The following LRIF1 variants were observed in gnomAD, a reference collection of about 807,000 sequenced individuals.
LRIF1 encodes ligand dependent nuclear receptor interacting factor 1.
LRIF1 carries 32 observed loss-of-function variants against 52.7 expected under a neutral mutation model. The observed-to-expected ratio is 0.61, with a 90% confidence interval of 0.46 to 0.82. LRIF1 has a LOEUF of 0.82. Among genes scored for constraint, LRIF1 ranks in the 40% least tolerant of loss-of-function variants. LRIF1 has a pLI of 0.00. For synonymous variants in LRIF1, 323 were observed against 317.4 expected (o/e 1.02, Z -0.19); for missense variants, 887 against 892.0 (o/e 0.99, Z 0.07).
the LRIF1 span, among the ~76,000 whole-genome samples, chr1:110,903,487 C>T: frequency 6.6e-6 from 1 of 152,208 alleles, no homozygotes; most frequent in Non-Finnish European, 1.5e-5. Context: ...GTTTCAGGCC[C>T]TAGCTCTTGG....
At chr1:110,901,476 C>CATTT in the LRIF1 span, among the ~76,000 whole-genome samples, 1 of 63,544 alleles carries the variant, frequency 1.6e-5, no homozygotes, top group African/African-American at 3.9e-5. Flanking sequence ...TCGCACCCGG[C>CATTT]CTTTTTTTTT....
chr1:110,963,557 C>A lies in LRIF1; in HGVS notation c.68+64G>T, dbSNP rs376431773. 2.2e-5 allele frequency: 31 copies of A among 1,406,154 alleles called. No homozygotes were observed. The African/African-American group carries it at 4.2e-4, about 19-fold the overall frequency. 87.1% of individuals were successfully genotyped at this position (1,406,154 alleles called of 1,614,324 possible). The stretch of plus-strand genomic sequence containing the variant: ...CTACACAGCGTCCGGAAACGACGGC[C>A]GACTCCACATCCCTAAGACGGACAG... On this transcript the variant is annotated intron_variant, in intron 1 of 3. Transcript: ENST00000369763.
At chr1:110,960,287 CAG>C (rs944209793) in intron 1 of LRIF1, among the ~76,000 whole-genome samples, 2 of 152,138 alleles carry the variant, frequency 1.3e-5, no homozygotes, top group African/African-American at 4.8e-5. Flanking sequence ...AGATTAATGA[CAG>C]ATTTCATTTA....
chr1:110,902,517 A>G, the LRIF1 span, among the ~76,000 whole-genome samples: 323 of 104,742 alleles, frequency 3.1e-3, 2 homozygotes, highest in East Asian at 0.013. Context: ...AAAAAAAAAA[A>G]AAAGAAATAC....
At chr1:110,927,061 T>C in the LRIF1 span, among the ~76,000 whole-genome samples, 6 of 152,156 alleles carry the variant, frequency 3.9e-5, no homozygotes, top group Non-Finnish European at 7.4e-5. Flanking sequence ...TGGAAAGAAA[T>C]GAAACTGGAC....
intron 3 of LRIF1, among the ~76,000 whole-genome samples, chr1:110,948,921 T>C (rs1658332742): frequency 6.6e-6 from 1 of 152,222 alleles, no homozygotes; most frequent in South Asian, 2.1e-4. Flanking sequence ...TGCATGCTTA[T>C]ATCTTCTACT....
At chr1:110,905,438 C>T in the LRIF1 span, among the ~76,000 whole-genome samples, 7,779 of 151,974 alleles carry the variant, frequency 0.051, 266 homozygotes, top group East Asian at 0.14. Flanking sequence ...CATCTGGTAG[C>T]AGACTTCTCG....
intron 1 of LRIF1, among the ~76,000 whole-genome samples, chr1:110,957,470 CAAAAAAA>C (rs34396800): frequency 1.4e-4 from 6 of 42,794 alleles, no homozygotes; most frequent in African/African-American, 4.5e-4. Context: ...GACTCAGTCT[CAAAAAAA>C]AAAAAAAAAA....
chr1:110,929,297 G>A, the LRIF1 span, among the ~76,000 whole-genome samples: 1 of 152,240 alleles, frequency 6.6e-6, no homozygotes, highest in East Asian at 1.9e-4. Context: ...GGGATTGCTG[G>A]GTCAAATGGT....
chr1:110,887,619 A>G, the LRIF1 span, among the ~76,000 whole-genome samples: 2 of 152,104 alleles, frequency 1.3e-5, no homozygotes, highest in African/African-American at 4.8e-5. Context: ...TACTCTTAAG[A>G]TTTGTTGGGT....
the LRIF1 span, among the ~76,000 whole-genome samples, chr1:110,888,150 T>C: frequency 2.6e-5 from 4 of 152,178 alleles, no homozygotes; most frequent in Non-Finnish European, 5.9e-5. Flanking sequence ...TAAGAAGAAA[T>C]GTAGCCTAGC....
intron 3 of LRIF1, 144 bp from the exon 4 acceptor site, chr1:110,948,543 G>C: frequency 1.6e-6 from 2 of 1,269,348 alleles, no homozygotes; most frequent in South Asian, 3.2e-5. Flanking sequence ...TACAGCAAGA[G>C]GGAAATATTT....
the LRIF1 span, among the ~76,000 whole-genome samples, chr1:110,904,173 C>T: frequency 6.6e-6 from 1 of 152,224 alleles, no homozygotes. Context: ...CAGACAGCAC[C>T]TCTGGAACCA....
the LRIF1 span, chr1:110,891,548 C>G: frequency 9.1e-7 from 1 of 1,101,554 alleles, no homozygotes; most frequent in Admixed American, 1.7e-5. Context: ...ACTGAAGAGG[C>G]TGGTGTGGGG....
the LRIF1 span, among the ~76,000 whole-genome samples, chr1:110,886,869 A>T: frequency 0.12 from 9,857 of 82,524 alleles, 625 homozygotes; most frequent in East Asian, 0.19. Flanking sequence ...ATATATATAT[A>T]TTTTTTTTTT....
the LRIF1 span, among the ~76,000 whole-genome samples, chr1:110,886,869 A>ATATATTTTTTTT: frequency 1.1e-3 from 91 of 82,778 alleles, no homozygotes; most frequent in South Asian, 2.6e-3. Context: ...ATATATATAT[A>ATATATTTTTTTT]TTTTTTTTTT....
At position 110,947,791 on chromosome 1, in the gene LRIF1, G is replaced by T. The variant is rs1658264113; in HGVS notation, c.*168C>A. ...GATACCCCATGTAAATTATTCACAA[G>T]TCATATGTGAATCAACCTTTTCTGT... On this transcript the variant is annotated 3_prime_UTR_variant, in exon 4 of 4. Transcript: ENST00000369763. 1 of 845,412 alleles carries T rather than the reference G, an allele frequency of 1.2e-6. No homozygotes were observed. 52.4% of individuals were successfully genotyped at this position (845,412 alleles called of 1,614,324 possible).
At chr1:110,912,572 A>C in the LRIF1 span, among the ~76,000 whole-genome samples, 119 of 152,300 alleles carry the variant, frequency 7.8e-4, no homozygotes, top group African/African-American at 2.7e-3. Context: ...ATGTAATCCC[A>C]TTCATGATAG....
the LRIF1 span, among the ~76,000 whole-genome samples, chr1:110,910,332 C>T: frequency 6.6e-6 from 1 of 151,034 alleles, no homozygotes; most frequent in African/African-American, 2.4e-5. Context: ...GACACAGTGG[C>T]TCACGCATGT....
Sources: allele counts gnomAD v4.1 joint callset (sites outside exome capture counted in the v4.1 genomes callset), GRCh38; gene constraint gnomAD v4.1.1; transcripts MANE v1.5; gene names NCBI Gene and HGNC (gene_info 2026-07-23, HGNC 2026-07-21).